PROSER2: variants seen among roughly 807,000 people sequenced by gnomAD.
PROSER2 encodes the protein proline and serine rich 2, also known as proline and serine-rich protein 2.
Under a neutral mutation model 14.6 loss-of-function variants are expected in PROSER2, and 18 were observed. The observed-to-expected ratio is 1.23, with a 90% CI of 0.85 to 1.83. The LOEUF (loss-of-function observed/expected upper bound fraction) is 1.83. PROSER2 is among the 40% of genes most tolerant of loss of function. The pLI, the probability that PROSER2 is intolerant of heterozygous loss-of-function variation, is 0.00. For synonymous variants in PROSER2, 367 were observed against 286.4 expected (o/e 1.28, Z -2.84); for missense variants, 823 against 629.8 (o/e 1.31, Z -3.28).
chr10:11,832,224 C>T (rs1037428557), intron 1 of PROSER2, among the ~76,000 whole-genome samples: 2 of 152,316 alleles, frequency 1.3e-5, no homozygotes, highest in East Asian at 3.9e-4. Flanking sequence ...ACTGCCCACA[C>T]TCCCAGCAGC....
intron 1 of PROSER2, among the ~76,000 whole-genome samples, chr10:11,839,863 C>T (rs1179048206): frequency 7.9e-5 from 12 of 151,304 alleles, no homozygotes; most frequent in Non-Finnish European, 1.5e-4. Context: ...TATGGAATAG[C>T]AGTGGTGAAA....
rs1302156998 is a variant in PROSER2 at position 11,865,772 on chromosome 10, CA to C, written c.139-758del. ...TGGCCCCACTTCAGGGTTCCTCTGT[CA>C]CCTTTTTCGAGAGTAACTGGCGAGT... On this transcript the variant is annotated intron_variant, in intron 2 of 3. Transcript: ENST00000277570. This position sits in a 1 kb window ranked among gnomAD's most constrained non-coding sequence, Gnocchi z 4.2. Among the ~76,000 whole-genome samples the C allele has an allele frequency of 6.6e-6, 1 of 152,234 alleles. No individual in the cohort carries two copies.
intron 1 of PROSER2, among the ~76,000 whole-genome samples, chr10:11,825,854 C>T (rs897119218): frequency 1.3e-5 from 2 of 152,184 alleles, no homozygotes; most frequent in African/African-American, 2.4e-5. Flanking sequence ...GTGAAGAGTT[C>T]ATGCTGTTTA....
Position 11,852,019 on chromosome 10 carries a change from G to A in PROSER2, c.-59G>A. On this transcript the variant is annotated 5_prime_UTR_variant, in exon 2 of 4. An upstream start codon of the reference 5' UTR is lost. Transcript: ENST00000277570. ...TAGGAGTGAGCTGTTGCCGCAGAAT[G>A]GGCTGCTGGCTCCTGCCCTGCTTCC... 1 of 1,524,676 alleles carries A rather than the reference G, an allele frequency of 6.6e-7. No individual in the cohort carries two copies. The highest frequency in any genetic ancestry group is 8.8e-7 in the Non-Finnish European group (1 of 1,135,736). 94.4% of individuals were successfully genotyped at this position (1,524,676 alleles called of 1,614,324 possible). A position where few individuals can be genotyped will look rare whatever the true frequency, so the allele number is the denominator to read the frequency against.
At chr10:11,832,728 A>C (rs540613682) in intron 1 of PROSER2, among the ~76,000 whole-genome samples, 1 of 152,162 alleles carries the variant, frequency 6.6e-6, no homozygotes, top group Non-Finnish European at 1.5e-5. Flanking sequence ...AGAGGGAGGG[A>C]TAATAACCAC....
Position 11,830,462 on chromosome 10 carries a change from T to C in PROSER2, c.-82+6992T>C, listed in dbSNP as rs1003704589. On this transcript the variant is annotated intron_variant, in intron 1 of 3. Coordinates refer to ENST00000277570, the MANE Select transcript of PROSER2 (RefSeq NM_153256.4). The surrounding 1 kb of genome is among the most constrained non-coding windows in gnomAD (Gnocchi z 4.5). ...ACGCCTAGATTGATTCTGTGACGGT[T>C]ACTGTGAACAGCGCCGCGGTAAAGA... 6.6e-6 allele frequency among the ~76,000 whole-genome samples: 1 copy of C among 152,222 alleles called. No homozygotes were observed. The highest frequency in any genetic ancestry group is 2.4e-5 in the African/African-American group (1 of 41,462).
rs559049827 is a variant in PROSER2 at position 11,823,899 on chromosome 10, C to T, written c.-82+429C>T. Among the ~76,000 whole-genome samples, 14 of 152,176 alleles carry T rather than the reference C, an allele frequency of 9.2e-5. No individual in the cohort carries two copies. The South Asian group carries it at 1.7e-3, about 18-fold the overall frequency. ...TCGGGGAGAGGGTGCGGGTCCGACA[C>T]GGCGGGCGGAGCCACCTGTTCCACC... On this transcript the variant is annotated intron_variant, in intron 1 of 3. Transcript: ENST00000277570. This position sits in a 1 kb window ranked among gnomAD's most constrained non-coding sequence, Gnocchi z 6.2.
chr10:11,847,456 C>T (rs1012711696), intron 1 of PROSER2, among the ~76,000 whole-genome samples: 11 of 152,310 alleles, frequency 7.2e-5, no homozygotes, highest in African/African-American at 2.6e-4. Context: ...CTCGCTCTGT[C>T]ACCCAGGCTG....
At chr10:11,824,224 G>A (rs1182068255) in intron 1 of PROSER2, among the ~76,000 whole-genome samples, 1 of 152,134 alleles carries the variant, frequency 6.6e-6, no homozygotes, top group Non-Finnish European at 1.5e-5. Flanking sequence ...AAGTTAAAGT[G>A]AGTGAAGGAA....
In PROSER2 at chr10:11,848,963, C is replaced by A. The variant is rs1456644906; in HGVS notation, c.-81-3034C>A. Among the ~76,000 whole-genome samples, 3 of 151,846 alleles carry A rather than the reference C, an allele frequency of 2.0e-5. No individual in the cohort carries two copies. In the East Asian group the frequency reaches 5.8e-4, roughly 29 times the overall value. On this transcript the variant is annotated intron_variant, in intron 1 of 3. Coordinates refer to ENST00000277570, the MANE Select transcript of PROSER2 (RefSeq NM_153256.4). ...CAGCACTTTGGGAGGCCGAGGCGGG[C>A]GGATCACAAGGTCAAGAGATCAAGA...
At chr10:11,847,761 A>G (rs1333631562) in intron 1 of PROSER2, among the ~76,000 whole-genome samples, 1 of 151,864 alleles carries the variant, frequency 6.6e-6, no homozygotes, top group Non-Finnish European at 1.5e-5. Context: ...TACTTCTCTC[A>G]CTGTTGAAAT....
intron 1 of PROSER2, among the ~76,000 whole-genome samples, chr10:11,834,365 A>G (rs1833729392): frequency 1.3e-5 from 2 of 151,950 alleles, no homozygotes; most frequent in East Asian, 3.9e-4. Context: ...GCTAGGCCAG[A>G]TTCTAGAGAG....
intron 1 of PROSER2, among the ~76,000 whole-genome samples, chr10:11,841,241 C>G (rs1833842250): frequency 6.6e-6 from 1 of 151,866 alleles, no homozygotes; most frequent in African/African-American, 2.4e-5. Flanking sequence ...TTCAAATTTA[C>G]TAGCATAAAA....
At chr10:11,841,029 T>G (rs1833839605) in intron 1 of PROSER2, among the ~76,000 whole-genome samples, 1 of 142,354 alleles carries the variant, frequency 7.0e-6, no homozygotes, top group South Asian at 2.2e-4. Context: ...TGGAAAAGTT[T>G]GTGTAAGGTT....
chr10:11,844,147 G>A (rs904118097), intron 1 of PROSER2, among the ~76,000 whole-genome samples: 15 of 151,894 alleles, frequency 9.9e-5, no homozygotes, highest in East Asian at 1.9e-4. Flanking sequence ...ATGTCCTGCC[G>A]TGCCTGGCTA....
At chr10:11,845,636 C>T (rs1428159382) in intron 1 of PROSER2, among the ~76,000 whole-genome samples, 1 of 152,142 alleles carries the variant, frequency 6.6e-6, no homozygotes, top group Non-Finnish European at 1.5e-5. Context: ...CTGTTAGCAC[C>T]CCTAGGCCCT....
At position 11,852,029 on chromosome 10, in the gene PROSER2, C is replaced by A. The variant is rs1006611548; in HGVS notation, c.-49C>A. 6.5e-7 allele frequency: 1 copy of A among 1,546,056 alleles called. No individual in the cohort carries two copies. The highest frequency in any genetic ancestry group is 1.4e-5 in the African/African-American group (1 of 72,976). ...CTGTTGCCGCAGAATGGGCTGCTGG[C>A]TCCTGCCCTGCTTCCTGTGATCGAG... On this transcript the variant is annotated 5_prime_UTR_variant, in exon 2 of 4. Transcript: ENST00000277570.
chr10:11,845,819 A>G (rs1163736052), intron 1 of PROSER2, among the ~76,000 whole-genome samples: 1 of 152,184 alleles, frequency 6.6e-6, no homozygotes, highest in African/African-American at 2.4e-5. Flanking sequence ...CCCATCTGAT[A>G]CATTCCTGCT....
At chr10:11,864,049 C>T (rs892235272) in intron 2 of PROSER2, among the ~76,000 whole-genome samples, 9 of 152,138 alleles carry the variant, frequency 5.9e-5, no homozygotes, top group Non-Finnish European at 1.3e-4. Flanking sequence ...GGGTTTACTC[C>T]GTGTTTAGAG....
Sources: allele counts gnomAD v4.1 joint callset (sites outside exome capture counted in the v4.1 genomes callset), GRCh38; gene constraint gnomAD v4.1.1; non-coding constraint Gnocchi (gnomAD v3.1); transcripts MANE v1.5; gene names NCBI Gene and HGNC (gene_info 2026-07-23, HGNC 2026-07-21).